NCAPD2: variants seen among roughly 807,000 people sequenced by gnomAD.
NCAPD2 encodes the protein non-SMC condensin I complex subunit D2.
A neutral mutation model predicts 164.5 loss-of-function variants in NCAPD2; 100 were observed. The observed-to-expected ratio is 0.61, with a 90% confidence interval of 0.52 to 0.72. The LOEUF is 0.72. NCAPD2 is among the 30% of genes least tolerant of loss of function. The pLI is 0.00. For missense variants in NCAPD2, 1,560 were observed against 1,749.2 expected, an observed-to-expected ratio of 0.89 and a Z score of 1.93; for synonymous variants, 585 against 642.6, an observed-to-expected ratio of 0.91 and a Z score of 1.36.
At chr12:6,530,001 T>C in intron 29 of NCAPD2, 43 bp downstream of exon 29, 3 of 1,578,120 alleles carry the variant, frequency 1.9e-6, no homozygotes, top group Non-Finnish European at 2.6e-6. Flanking sequence ...GGTTCTGGGC[T>C]GGCTAAGACA....
Position 6,526,164 on chromosome 12 carries a change from G to A in NCAPD2, c.2445G>A (p.Val815=). ...AGGACTACAGGCTGGCCCAGCAGGT[G>A]TGCCATGCCATTGCCAACATCTCGG... ...FPQDYRLAQQ[V]CHAIANISDR... Residue 815 remains valine (V), a synonymous_variant, in exon 19 of 32, where the codon GTG becomes GTA. Coordinates refer to ENST00000315579, the MANE Select transcript of NCAPD2 (RefSeq NM_014865.4). 2 of 1,614,190 alleles carry A rather than the reference G, an allele frequency of 1.2e-6. No homozygotes were observed. The highest frequency in any genetic ancestry group is 1.7e-6 in the Non-Finnish European group (2 of 1,180,048).
chr12:6,530,094 A>C (rs1946357605), intron 29 of NCAPD2, 136 bp downstream of exon 29: 10 of 875,128 alleles, frequency 1.1e-5, no homozygotes, highest in Non-Finnish European at 1.7e-5. Context: ...CCAAATTGCC[A>C]GAGTGACCTA....
intron 13 of NCAPD2, chr12:6,518,220 A>G (rs777967355): frequency 1.4e-4 from 37 of 267,432 alleles, no homozygotes; most frequent in Non-Finnish European, 2.2e-4. Context: ...TCCTCCTTCA[A>G]TTGAAGAAGA....
In NCAPD2 at chr12:6,525,651, C is replaced by T. The variant is rs71579347; in HGVS notation, c.2283C>T (p.Thr761=). ...CCCAGCTGCTGTGGGAGCGGGCCAC[C>T]GAGAAGGTCGCCTGCTGTCCTCTGG... is the stretch of plus-strand genomic sequence containing the variant. ...AVTQLLWERA[T]EKVACCPLER... Residue 761 remains threonine, a synonymous_variant, in exon 18 of 32, where the codon ACC becomes ACT. Coordinates refer to ENST00000315579, the MANE Select transcript of NCAPD2 (RefSeq NM_014865.4). 7.7e-4 allele frequency: 1,235 copies of T among 1,613,444 alleles called. 14 individuals are homozygous for T. In the South Asian group the frequency reaches 0.01, roughly 14 times the overall value.
Position 6,528,936 on chromosome 12 carries a change from G to T in NCAPD2, c.3478-9G>T. Reference sequence around the variant, plus strand: ...TCATCTCCTTAACATGGCTCTCTCTGTCTTACAGGGCAACGCAATCTATAA... The same window carrying T: ...TCATCTCCTTAACATGGCTCTCTCTTTCTTACAGGGCAACGCAATCTATAA... On this transcript the variant is annotated splice_polypyrimidine_tract_variant and intron_variant, in intron 26 of 31. Transcript: ENST00000315579. The surrounding 1 kb of genome is among the most constrained non-coding windows in gnomAD (Gnocchi z 5.1). 6.2e-7 allele frequency: 1 copy of T among 1,614,062 alleles called. No individual in the cohort carries two copies. The highest frequency in any genetic ancestry group is 8.5e-7 in the Non-Finnish European group (1 of 1,179,972).
Position 6,525,664 on chromosome 12 carries a change from T to C in NCAPD2, c.2296T>C (p.Cys766Arg), listed in dbSNP as rs1188744102. 1 of 1,613,548 alleles carries C rather than the reference T, an allele frequency of 6.2e-7. No individual in the cohort carries two copies. Among genetic ancestry groups the C allele is most frequent in the South Asian group, 1.1e-5 (1 of 91,066 alleles). ...LWERATEKVA[C>R]CPLERCSSVM... is the part of the protein sequence containing the mutation. The stretch of plus-strand genomic sequence containing the variant: ...GGAGCGGGCCACCGAGAAGGTCGCC[T>C]GCTGTCCTCTGGAGCGCTGTTCCTC... The change falls in exon 18 of 32, where the codon TGC becomes CGC. Residue 766 changes from cysteine to arginine, a missense_variant. Cys to Arg is a radical substitution (Grantham distance 180). Transcript: ENST00000315579.
chr12:6,512,170 G>A (rs1946155442), intron 6 of NCAPD2, among the ~76,000 whole-genome samples: 2 of 151,422 alleles, frequency 1.3e-5, no homozygotes, highest in African/African-American at 2.4e-5. Context: ...TACTCAGGAG[G>A]CTGAGGCAGG....
At chr12:6,520,833 C>A in intron 13 of NCAPD2, 153 bp from the exon 14 acceptor site, 1 of 902,806 alleles carries the variant, frequency 1.1e-6, no homozygotes, top group Non-Finnish European at 1.6e-6. Context: ...AGCCCTACCC[C>A]TTAGTAGGTG....
Position 6,527,668 on chromosome 12 carries a change from T to G in NCAPD2, c.2908-109T>G, listed in dbSNP as rs1946329174. The G allele has an allele frequency of 3.9e-5, 36 of 919,920 alleles. 2 individuals carry two copies. The South Asian group carries it at 5.8e-4, about 15-fold the overall frequency. 57.0% of individuals were successfully genotyped at this position (919,920 alleles called of 1,614,324 possible). A position where few individuals can be genotyped will look rare whatever the true frequency, so the allele number is the denominator to read the frequency against. On this transcript the variant is annotated intron_variant, in intron 22 of 31. Transcript: ENST00000315579. ...GACACATTTGACAATTCTCTAAATG[T>G]TTTTGTAGAATTTGCCCTTCCTCAC...
chr12:6,495,266 G>A (rs991243283), intron 2 of NCAPD2, 41 bp downstream of exon 2: 1 of 1,607,316 alleles, frequency 6.2e-7, no homozygotes, highest in African/African-American at 1.3e-5. Context: ...CTCTTTCAAA[G>A]GACCATCTCA....
intron 2 of NCAPD2, among the ~76,000 whole-genome samples, chr12:6,496,938 G>A (rs917623924): frequency 2.6e-5 from 4 of 152,192 alleles, no homozygotes; most frequent in Admixed American, 2.0e-4. Flanking sequence ...TAGACGATGG[G>A]AATTTTTCAG....
intron 21 of NCAPD2, 66 bp downstream of exon 21, chr12:6,526,681 A>G: frequency 6.4e-7 from 1 of 1,560,330 alleles, no homozygotes. Flanking sequence ...GCCAGGAGCC[A>G]CTGCCACCAC....
chr12:6,531,200 C>G lies in NCAPD2; in HGVS notation c.4120+124C>G, dbSNP rs1351029687. 9 of 1,474,206 alleles carry G rather than the reference C, an allele frequency of 6.1e-6. No individual in the cohort carries two copies. Among genetic ancestry groups the G allele is most frequent in the Non-Finnish European group, 7.5e-6 (8 of 1,073,552 alleles). 91.3% of individuals were successfully genotyped at this position (1,474,206 alleles called of 1,614,324 possible). On this transcript the variant is annotated intron_variant, in intron 31 of 31. Coordinates refer to ENST00000315579, the MANE Select transcript of NCAPD2 (RefSeq NM_014865.4). This position sits in a 1 kb window ranked among gnomAD's most constrained non-coding sequence, Gnocchi z 4.1. ...CTCTGCCCCACTGCCGCAGAAGGGC[C>G]TCTCCTGTACAGCTTGGATTTTATT...
Position 6,527,026 on chromosome 12 carries a change from A to C in NCAPD2, c.2870A>C (p.Glu957Ala). 5 of 1,613,772 alleles carry C rather than the reference A, an allele frequency of 3.1e-6. No homozygotes were observed. Among genetic ancestry groups the C allele is most frequent in the Non-Finnish European group, 4.2e-6 (5 of 1,179,844 alleles). ...GELCRRRVLR[E>A]EQEHKTKDPK... The stretch of plus-strand genomic sequence containing the variant: ...CTCTGCCGGCGCCGAGTTCTCCGGG[A>C]AGAACAGGAGCACAAGACCAAAGAT... Residue 957 changes from glutamate to alanine, a missense_variant, in exon 22 of 32, where the codon GAA (glutamate) becomes GCA (alanine). Transcript: ENST00000315579.
Position 6,517,679 on chromosome 12 carries a change from A to T in NCAPD2, c.1404A>T (p.Ala468=). 1 of 1,614,272 alleles carries T rather than the reference A, an allele frequency of 6.2e-7. No individual in the cohort carries two copies. The highest frequency in any genetic ancestry group is 8.5e-7 in the Non-Finnish European group (1 of 1,180,050). The change falls in exon 12 of 32, where the codon GCA becomes GCT. Residue 468 remains alanine, a synonymous_variant. Coordinates refer to ENST00000315579, the MANE Select transcript of NCAPD2 (RefSeq NM_014865.4). ...QEMRAQRRTA[A]ASAVLDPEEE... is the part of the protein sequence containing the mutation. ...TGAGGGCCCAGAGGCGAACTGCAGC[A>T]GCTTGTAAGTAGTTACTGCCTTGGA...
At chr12:6,518,960 A>G (rs1056620200) in intron 13 of NCAPD2, among the ~76,000 whole-genome samples, 1 of 151,408 alleles carries the variant, frequency 6.6e-6, no homozygotes, top group Non-Finnish European at 1.5e-5. Context: ...ATCTTGGCTC[A>G]CTGCAACCTC....
chr12:6,513,825 C>T (rs1309031273), intron 6 of NCAPD2, among the ~76,000 whole-genome samples: 1 of 150,836 alleles, frequency 6.6e-6, no homozygotes, highest in Non-Finnish European at 1.5e-5. Context: ...AAGGGATTCT[C>T]CTGCCTCAGC....
At position 6,523,008 on chromosome 12, in the gene NCAPD2, T is replaced by C; in HGVS notation, c.2129+6T>C. On this transcript the variant is annotated splice_donor_region_variant and intron_variant, in intron 16 of 31. Coordinates refer to ENST00000315579, the MANE Select transcript of NCAPD2 (RefSeq NM_014865.4). ...CCCAAAGGGGACTCTGCCAGGTATA[T>C]GGGGTGCTTTTGCCTTTGCTGACTT... 1 of 1,613,770 alleles carries C rather than the reference T, an allele frequency of 6.2e-7. No homozygotes were observed. The highest frequency in any genetic ancestry group is 1.1e-5 in the South Asian group (1 of 91,052).
chr12:6,505,076 T>C (rs1181723293), intron 2 of NCAPD2, among the ~76,000 whole-genome samples: 1 of 152,146 alleles, frequency 6.6e-6, no homozygotes, highest in African/African-American at 2.4e-5. Flanking sequence ...TATGCAATTT[T>C]TGTTTTGAGA....
Sources: allele counts gnomAD v4.1 joint callset (sites outside exome capture counted in the v4.1 genomes callset), GRCh38; gene constraint gnomAD v4.1.1; non-coding constraint Gnocchi (gnomAD v3.1); transcripts MANE v1.5; gene names NCBI Gene and HGNC (gene_info 2026-07-23, HGNC 2026-07-21).